HYAL4: variants seen among roughly 807,000 people sequenced by gnomAD.
HYAL4 encodes the protein hyaluronidase-4.
A neutral mutation model predicts 35.2 loss-of-function variants in HYAL4; 37 were observed. The ratio of observed to expected loss-of-function variants is 1.05; its 90% confidence interval spans 0.81 to 1.38. The LOEUF is 1.38. HYAL4 is among the 40% of genes most tolerant of loss of function. The pLI is 0.00. For missense variants in HYAL4, 572 were observed against 572.4 expected, an observed-to-expected ratio of 1.00 and a Z score of 0.01; for synonymous variants, 198 against 203.2, an observed-to-expected ratio of 0.97 and a Z score of 0.22.
At chr7:123,824,928 A>G (rs1805778866), upstream of HYAL4, among the ~76,000 whole-genome samples, 1 of 152,126 alleles carries the variant, frequency 6.6e-6, no homozygotes, top group Non-Finnish European at 1.5e-5. Flanking sequence ...TCAGCCTCCA[A>G]GCTCCCAGTA....
At chr7:123,830,171 T>A (rs1193343249) in intron 1 of HYAL4, among the ~76,000 whole-genome samples, 1 of 152,226 alleles carries the variant, frequency 6.6e-6, no homozygotes. Context: ...TAGTTTATTT[T>A]AACTTGAATA....
the HYAL4 span, among the ~76,000 whole-genome samples, chr7:123,817,513 T>C: frequency 0.012 from 1,765 of 146,758 alleles, 32 homozygotes; most frequent in African/African-American, 0.042. Flanking sequence ...TCTTCTTCTT[T>C]TTTTTTTTTT....
chr7:123,816,361 G>A, the HYAL4 span, among the ~76,000 whole-genome samples: 23 of 152,126 alleles, frequency 1.5e-4, no homozygotes, highest in Non-Finnish European at 3.1e-4. Flanking sequence ...AGTGATGCCA[G>A]CTTTCTCAAA....
the HYAL4 span, among the ~76,000 whole-genome samples, chr7:123,819,707 AT>A: frequency 3.3e-5 from 5 of 152,080 alleles, no homozygotes; most frequent in Admixed American, 2.6e-4. Flanking sequence ...GTTAGTTAAC[AT>A]TTCTGAGTCT....
the HYAL4 span, among the ~76,000 whole-genome samples, chr7:123,768,376 G>T: frequency 6.6e-6 from 1 of 152,162 alleles, no homozygotes; most frequent in Non-Finnish European, 1.5e-5. Flanking sequence ...TTTCTGGTTT[G>T]TTTATCTGGT....
chr7:123,857,677 C>CTTTCTTTGTTTG (rs1562999490), intron 2 of HYAL4, among the ~76,000 whole-genome samples: 6 of 78,848 alleles, frequency 7.6e-5, no homozygotes, highest in Admixed American at 2.6e-4. Context: ...TTGTTTCTTT[C>CTTTCTTTGTTTG]TTTCTTTCTT....
chr7:123,876,079 G>C (rs1807015623), intron 4 of HYAL4: 1 of 456,460 alleles, frequency 2.2e-6, no homozygotes, highest in African/African-American at 2.0e-5. Context: ...GCTTCATCAG[G>C]AAGGTGGGTG....
chr7:123,769,642 A>G, the HYAL4 span, among the ~76,000 whole-genome samples: 1 of 152,142 alleles, frequency 6.6e-6, no homozygotes, highest in Admixed American at 6.5e-5. Flanking sequence ...GCATGGGGGA[A>G]ACAAGTCCTC....
intron 2 of HYAL4, among the ~76,000 whole-genome samples, chr7:123,862,246 C>G (rs1024183142): frequency 6.6e-6 from 1 of 152,072 alleles, no homozygotes; most frequent in African/African-American, 2.4e-5. Flanking sequence ...TCACTTTGGT[C>G]AGTACTTTCC....
the HYAL4 span, among the ~76,000 whole-genome samples, chr7:123,818,801 A>C: frequency 6.6e-6 from 1 of 152,166 alleles, no homozygotes; most frequent in African/African-American, 2.4e-5. Context: ...TGTGTATTAA[A>C]ATTTATATTT....
chr7:123,807,990 G>T, the HYAL4 span, among the ~76,000 whole-genome samples: 2 of 149,028 alleles, frequency 1.3e-5, no homozygotes, highest in Non-Finnish European at 3.0e-5. Context: ...TCCCAGGATG[G>T]TCTCAACTTC....
the HYAL4 span, among the ~76,000 whole-genome samples, chr7:123,796,449 A>G: frequency 6.6e-6 from 1 of 152,218 alleles, no homozygotes; most frequent in African/African-American, 2.4e-5. Context: ...AGATGCTATC[A>G]GTTCTATTTA....
intron 1 of HYAL4, among the ~76,000 whole-genome samples, chr7:123,832,975 A>G (rs1805908402): frequency 1.3e-5 from 2 of 152,034 alleles, no homozygotes; most frequent in South Asian, 4.2e-4. Flanking sequence ...TATAAATACC[A>G]CAATTTCTTT....
chr7:123,846,729 C>G (rs954830955), intron 1 of HYAL4, among the ~76,000 whole-genome samples: 1 of 152,134 alleles, frequency 6.6e-6, no homozygotes, highest in African/African-American at 2.4e-5. Flanking sequence ...GTGGTCTTTT[C>G]CAAATACCTC....
At chr7:123,773,100 A>T in the HYAL4 span, among the ~76,000 whole-genome samples, 18 of 152,148 alleles carry the variant, frequency 1.2e-4, no homozygotes, top group Non-Finnish European at 2.4e-4. Context: ...AATCTTGCCC[A>T]TGAAAGCTAC....
chr7:123,825,969 TA>T (rs903365567), upstream of HYAL4, among the ~76,000 whole-genome samples: 1 of 152,012 alleles, frequency 6.6e-6, no homozygotes, highest in African/African-American at 2.4e-5. Context: ...ACTATTGCAA[TA>T]AAAAGTGTTA....
At chr7:123,807,235 T>G in the HYAL4 span, among the ~76,000 whole-genome samples, 15 of 152,126 alleles carry the variant, frequency 9.9e-5, no homozygotes, top group Middle Eastern at 3.2e-3. Context: ...AAATGCTTTT[T>G]TGTATCAAGT....
the HYAL4 span, among the ~76,000 whole-genome samples, chr7:123,767,375 A>T: frequency 6.6e-6 from 1 of 152,118 alleles, no homozygotes; most frequent in African/African-American, 2.4e-5. Context: ...AATAATGAAA[A>T]AGTCCAAGAT....
upstream of HYAL4, among the ~76,000 whole-genome samples, chr7:123,827,978 G>A (rs952917218): frequency 6.6e-6 from 1 of 152,138 alleles, no homozygotes; most frequent in Middle Eastern, 3.2e-3. Context: ...ATTCCTGCCA[G>A]GCTCTTCTGG....
Sources: allele counts gnomAD v4.1 joint callset (sites outside exome capture counted in the v4.1 genomes callset), GRCh38; gene constraint gnomAD v4.1.1; transcripts MANE v1.5; gene names NCBI Gene and HGNC (gene_info 2026-07-23, HGNC 2026-07-21).